The following AKAP6 variants were observed in gnomAD, a reference collection of about 807,000 sequenced individuals.
AKAP6 encodes the protein A-kinase anchor protein 6.
In AKAP6, 58 loss-of-function variants were observed where a neutral mutation model predicts 188.5. The observed-to-expected ratio is 0.31, with a 90% CI of 0.25 to 0.38. AKAP6 has a LOEUF of 0.38. Ranked by LOEUF, AKAP6 falls within the 10% of genes least tolerant of loss-of-function variation. AKAP6 has a pLI of 1.00. For missense variants in AKAP6, 2,710 were observed against 2,740.0 expected (o/e 0.99, Z 0.24); for synonymous variants, 989 against 998.6 (o/e 0.99, Z 0.18).
At chr14:32,691,504 C>T (rs1458259148) in intron 8 of AKAP6, among the ~76,000 whole-genome samples, 1 of 152,102 alleles carries the variant, frequency 6.6e-6, no homozygotes, top group Admixed American at 6.6e-5. Flanking sequence ...AAATTGTGGT[C>T]ATTTCAGAAT....
intron 1 of AKAP6, among the ~76,000 whole-genome samples, chr14:32,343,566 G>A (rs1049346828): frequency 5.3e-5 from 8 of 151,624 alleles, no homozygotes; most frequent in African/African-American, 1.7e-4. Context: ...GGCTAACACC[G>A]TGAAACCCCA....
chr14:32,764,239 T>C (rs2032633330), intron 11 of AKAP6, among the ~76,000 whole-genome samples: 1 of 152,370 alleles, frequency 6.6e-6, no homozygotes, highest in Non-Finnish European at 1.5e-5. Context: ...CTTACAACAC[T>C]GTCTATTATG....
intron 2 of AKAP6, among the ~76,000 whole-genome samples, chr14:32,491,411 C>T (rs780547971): frequency 2.6e-5 from 4 of 152,190 alleles, no homozygotes; most frequent in Non-Finnish European, 5.9e-5. Context: ...GGAAAGATCT[C>T]TCTAAATACA....
chr14:32,337,574 A>G (rs1278242258), intron 1 of AKAP6, among the ~76,000 whole-genome samples: 1 of 152,056 alleles, frequency 6.6e-6, no homozygotes, highest in Non-Finnish European at 1.5e-5. Flanking sequence ...TAAAAATTTT[A>G]TTTTATTATT....
intron 7 of AKAP6, among the ~76,000 whole-genome samples, chr14:32,625,054 A>C (rs923525729): frequency 2.0e-5 from 3 of 152,138 alleles, no homozygotes; most frequent in Non-Finnish European, 4.4e-5. Context: ...TGGTGAACAT[A>C]AGCAAATTAT....
At chr14:32,649,957 A>G (rs1888141783) in intron 7 of AKAP6, among the ~76,000 whole-genome samples, 1 of 152,150 alleles carries the variant, frequency 6.6e-6, no homozygotes, top group Non-Finnish European at 1.5e-5. Context: ...CACTGCTCAT[A>G]TTTTATATAG....
chr14:32,356,479 G>T (rs1423555172), intron 1 of AKAP6, among the ~76,000 whole-genome samples: 2 of 152,218 alleles, frequency 1.3e-5, no homozygotes, highest in East Asian at 3.9e-4. Context: ...CTGCTCTGTG[G>T]TTAACTTCCA....
At chr14:32,365,413 A>G (rs1887799589) in intron 1 of AKAP6, among the ~76,000 whole-genome samples, 1 of 152,122 alleles carries the variant, frequency 6.6e-6, no homozygotes, top group African/African-American at 2.4e-5. Flanking sequence ...ATGTCTCACC[A>G]GGACTTATTG....
At position 32,545,878 on chromosome 14, in the gene AKAP6, G is replaced by C; in HGVS notation, c.1225G>C (p.Gly409Arg). ...ETFKNDLKGNGGKRQMVDLKP... is the reference protein window; with the variant it reads ...ETFKNDLKGNRGKRQMVDLKP... ...TTTTAAGAATGATCTGAAAGGCAAT[G>C]GTGGAAAGAGGCAAATGGTTGATCT... Residue 409 changes from glycine to arginine, a missense_variant, in exon 4 of 14, where the codon GGT becomes CGT. Gly to Arg is a moderately radical substitution (Grantham distance 125, BLOSUM62 -2). Around this residue, in one of 2 missense-constraint regions of AKAP6, gnomAD observed 2,473 missense variants for 2,426.1 expected, o/e 1.02. Transcript: ENST00000280979. 1 of 1,614,208 alleles carries C rather than the reference G, an allele frequency of 6.2e-7. No individual in the cohort carries two copies. Among genetic ancestry groups the C allele is most frequent in the South Asian group, 1.1e-5 (1 of 91,074 alleles).
At chr14:32,644,933 A>T (rs1449063827) in intron 7 of AKAP6, among the ~76,000 whole-genome samples, 1 of 152,160 alleles carries the variant, frequency 6.6e-6, no homozygotes, top group Non-Finnish European at 1.5e-5. Flanking sequence ...TGACAGACTA[A>T]CGGGTATATA....
In AKAP6 at chr14:32,741,819, GTTTT is replaced by G. The variant is rs34015837; in HGVS notation, c.3372+5959_3372+5962del. Among the ~76,000 whole-genome samples the G allele has an allele frequency of 2.1e-4, 15 of 70,708 alleles. No individual in the cohort carries two copies. The South Asian group carries it at 2.7e-3, about 13-fold the overall frequency. 46.4% of individuals were successfully genotyped at this position (70,708 alleles called of 152,430 possible). A position where few individuals can be genotyped will look rare whatever the true frequency, so the allele number is the denominator to read the frequency against. ...ATTTATCAGAGATATTAGCCTGTAG[GTTTT>G]TTTTTTTTTTTTTTTTTTTTTAGTG... On this transcript the variant is annotated intron_variant, in intron 11 of 13. Coordinates refer to ENST00000280979, the MANE Select transcript of AKAP6 (RefSeq NM_004274.5).
At chr14:32,570,405 G>T (rs1884425242) in intron 4 of AKAP6, among the ~76,000 whole-genome samples, 1 of 151,754 alleles carries the variant, frequency 6.6e-6, no homozygotes, top group Non-Finnish European at 1.5e-5. Context: ...GCCTCTCAAA[G>T]TACTGGGATT....
At chr14:32,674,212 A>G (rs1889335579) in intron 7 of AKAP6, among the ~76,000 whole-genome samples, 1 of 152,162 alleles carries the variant, frequency 6.6e-6, no homozygotes, top group African/African-American at 2.4e-5. Context: ...ATCAAGAGGG[A>G]GACTGGTAGG....
Position 32,430,821 on chromosome 14 carries a change from T to G in AKAP6, c.-34-2639T>G, listed in dbSNP as rs189146262. ...ATAATTTTTTTTAAATATTAAAAATTTGGGGCTGGGTGCGGTGGCTCATGC... is the reference window on the plus strand; with the variant it reads ...ATAATTTTTTTTAAATATTAAAAATGTGGGGCTGGGTGCGGTGGCTCATGC... On this transcript the variant is annotated intron_variant, in intron 1 of 13. Transcript: ENST00000280979. Among the ~76,000 whole-genome samples the G allele has an allele frequency of 3.5e-3, 529 of 152,180 alleles. 3 individuals are homozygous for G. Among genetic ancestry groups the G allele is most frequent in the African/African-American group, 0.011 (463 of 41,508 alleles).
intron 12 of AKAP6, among the ~76,000 whole-genome samples, chr14:32,797,258 C>G (rs942065956): frequency 2.0e-5 from 3 of 152,038 alleles, no homozygotes; most frequent in Non-Finnish European, 2.9e-5. Flanking sequence ...ACCATTTGAC[C>G]CAGCAATCCT....
intron 1 of AKAP6, among the ~76,000 whole-genome samples, chr14:32,364,418 A>C (rs1487531334): frequency 6.6e-6 from 1 of 152,054 alleles, no homozygotes; most frequent in Non-Finnish European, 1.5e-5. Flanking sequence ...AGTCTATCTG[A>C]CTGTAGACTG....
rs761229097 is a variant in AKAP6 at position 32,822,928 on chromosome 14, G to A, written c.5115G>A (p.Val1705=). 1.2e-5 allele frequency: 19 copies of A among 1,613,786 alleles called. No homozygotes were observed. In the Admixed American group the frequency reaches 3.2e-4, roughly 27 times the overall value. Residue 1705 remains valine, a synonymous_variant, in exon 13 of 14, where the codon GTG becomes GTA. Coordinates refer to ENST00000280979, the MANE Select transcript of AKAP6 (RefSeq NM_004274.5). ...TCTCTCTTTGCTCAGAGGATATTGTGTTACACAAGAACAAGATCCCGGAAT... is the reference window on the plus strand; with the variant it reads ...TCTCTCTTTGCTCAGAGGATATTGTATTACACAAGAACAAGATCCCGGAAT... ...DELSLCSEDI[V]LHKNKIPESN... is the part of the protein sequence containing the mutation.
At chr14:32,754,998 T>C (rs2032278666) in intron 11 of AKAP6, among the ~76,000 whole-genome samples, 1 of 152,198 alleles carries the variant, frequency 6.6e-6, no homozygotes, top group Non-Finnish European at 1.5e-5. Flanking sequence ...ATTTAATTGA[T>C]TTGGGGTTCT....
At chr14:32,466,846 T>TATATATATATATATATATATATATA (rs879653303) in intron 2 of AKAP6, among the ~76,000 whole-genome samples, 9 of 142,626 alleles carry the variant, frequency 6.3e-5, no homozygotes, top group African/African-American at 2.2e-4. Context: ...TATATATATA[T>TATATATATATATATATATATATATA]TTTCTTTCTT....
Sources: allele counts gnomAD v4.1 joint callset (sites outside exome capture counted in the v4.1 genomes callset), GRCh38; gene constraint gnomAD v4.1.1; regional missense constraint gnomAD v4.1.1; transcripts MANE v1.5; gene names NCBI Gene and HGNC (gene_info 2026-07-23, HGNC 2026-07-21).